Variants in ITCH observed in about 807,000 individuals in gnomAD.
ITCH encodes itchy E3 ubiquitin protein ligase.
Under a neutral mutation model 126.8 loss-of-function variants are expected in ITCH, and 28 were observed. The ratio of observed to expected loss-of-function variants is 0.22; its 90% CI spans 0.16 to 0.30. ITCH has a LOEUF of 0.30. Ranked by LOEUF, ITCH falls within the 10% of genes least tolerant of loss-of-function variation. ITCH has a pLI of 1.00. For missense variants in ITCH, 631 were observed against 1,032.4 expected, an observed-to-expected ratio of 0.61 and a Z score of 5.33; for synonymous variants, 342 against 340.0, an observed-to-expected ratio of 1.01 and a Z score of -0.06.
chr20:34,493,234 C>T (rs576570890), intron 23 of ITCH, among the ~76,000 whole-genome samples: 1 of 152,266 alleles, frequency 6.6e-6, no homozygotes, highest in South Asian at 2.1e-4. Context: ...CTGCTTCAGA[C>T]TGAAGCAGAG....
At chr20:34,483,411 G>T (rs113164382) in intron 20 of ITCH, among the ~76,000 whole-genome samples, 2 of 152,256 alleles carry the variant, frequency 1.3e-5, no homozygotes, top group African/African-American at 4.8e-5. Context: ...GCTTTGCTAC[G>T]TAGAAATTTA....
At position 34,509,345 on chromosome 20, in the gene ITCH, T is replaced by C. The variant is rs1053602751; in HGVS notation, c.*1551T>C. The C allele has an allele frequency of 1.3e-5, 2 of 152,340 alleles. No homozygotes were observed. Among genetic ancestry groups the C allele is most frequent in the African/African-American group, 4.8e-5 (2 of 41,466 alleles). 9.4% of individuals were successfully genotyped at this position (152,340 alleles called of 1,614,324 possible). A position where few individuals can be genotyped will look rare whatever the true frequency, so the allele number is the denominator to read the frequency against. ...TCATAGCTCATGTATCAGGGACTTT[T>C]GCCACATTTCAGAGGCATAGCATGA... On this transcript the variant is annotated 3_prime_UTR_variant, in exon 25 of 25. Coordinates refer to ENST00000374864, the MANE Select transcript of ITCH (RefSeq NM_031483.7).
intron 2 of ITCH, among the ~76,000 whole-genome samples, chr20:34,388,675 A>G (rs2038378657): frequency 6.6e-6 from 1 of 152,188 alleles, no homozygotes. Context: ...TGAATTTAGG[A>G]CATCTTTCTT....
intron 7 of ITCH, among the ~76,000 whole-genome samples, chr20:34,433,896 G>A (rs1982664817): frequency 6.6e-6 from 1 of 151,880 alleles, no homozygotes; most frequent in East Asian, 1.9e-4. Context: ...ATGTCTTGGT[G>A]GTAATTATCT....
chr20:34,392,654 A>C (rs2038527578), intron 2 of ITCH, among the ~76,000 whole-genome samples: 1 of 152,220 alleles, frequency 6.6e-6, no homozygotes, highest in African/African-American at 2.4e-5. Flanking sequence ...CTTCTTCCAT[A>C]GTGCCTGGCA....
chr20:34,399,652 C>T (rs550989825), intron 3 of ITCH, among the ~76,000 whole-genome samples: 2 of 151,858 alleles, frequency 1.3e-5, no homozygotes, highest in East Asian at 3.9e-4. Context: ...ATAGCCTGGC[C>T]AACATGGTGA....
chr20:34,500,588 A>G (rs1404071601), intron 23 of ITCH, among the ~76,000 whole-genome samples: 7 of 152,104 alleles, frequency 4.6e-5, no homozygotes, highest in Admixed American at 3.3e-4. Context: ...GAGGCAGCAT[A>G]TGATAGTTGG....
intron 2 of ITCH, among the ~76,000 whole-genome samples, chr20:34,371,313 C>T (rs376128662): frequency 1.4e-5 from 2 of 140,000 alleles, no homozygotes; most frequent in East Asian, 4.1e-4. Context: ...GAGATGGAGC[C>T]TTCCCCAGGC....
intron 9 of ITCH, among the ~76,000 whole-genome samples, chr20:34,441,294 G>T (rs1983718192): frequency 6.6e-6 from 1 of 152,040 alleles, no homozygotes; most frequent in South Asian, 2.1e-4. Context: ...AAAAATCATA[G>T]CAAAGTGATA....
intron 10 of ITCH, among the ~76,000 whole-genome samples, chr20:34,444,868 C>G (rs1014044296): frequency 6.6e-6 from 1 of 152,222 alleles, no homozygotes; most frequent in Non-Finnish European, 1.5e-5. Context: ...TCTTGAACTA[C>G]TGACCTCAAG....
chr20:34,378,237 A>G (rs551367360), intron 2 of ITCH, among the ~76,000 whole-genome samples: 5 of 152,124 alleles, frequency 3.3e-5, no homozygotes, highest in South Asian at 2.1e-4. Context: ...TTGGGAGGCC[A>G]AGGCGGGAGG....
intron 4 of ITCH, among the ~76,000 whole-genome samples, chr20:34,411,426 T>C (rs1450090147): frequency 6.6e-6 from 1 of 152,188 alleles, no homozygotes; most frequent in African/African-American, 2.4e-5. Context: ...AGTGCTGGGA[T>C]TACAGGCGTG....
chr20:34,441,916 CTGAT>C, intron 9 of ITCH: 1 of 392,238 alleles, frequency 2.5e-6, no homozygotes, highest in South Asian at 2.2e-5. Context: ...TGATTATACC[CTGAT>C]TGAGAGTGAC....
At chr20:34,474,135 G>A (rs1228736263) in intron 16 of ITCH, among the ~76,000 whole-genome samples, 2 of 151,886 alleles carry the variant, frequency 1.3e-5, no homozygotes, top group African/African-American at 2.4e-5. Flanking sequence ...TGACATTTTT[G>A]TAATATAACC....
chr20:34,437,487 T>G (rs550137335), intron 7 of ITCH, among the ~76,000 whole-genome samples: 6 of 152,296 alleles, frequency 3.9e-5, no homozygotes, highest in South Asian at 4.1e-4. Flanking sequence ...TAAATTTTTT[T>G]GTACAGACAG....
intron 20 of ITCH, 51 bp downstream of exon 20, chr20:34,481,257 G>A (rs2146473045): frequency 6.5e-7 from 1 of 1,543,320 alleles, no homozygotes; most frequent in Non-Finnish European, 9.0e-7. Context: ...ACAGCACATT[G>A]ATAATTGCTT....
intron 4 of ITCH, among the ~76,000 whole-genome samples, chr20:34,412,281 A>G (rs1195982785): frequency 6.6e-6 from 1 of 152,218 alleles, no homozygotes; most frequent in African/African-American, 2.4e-5. Context: ...TGTTGACAAT[A>G]TGTGTATGAA....
chr20:34,481,041 A>G (rs767014647), intron 19 of ITCH, 25 bp from the exon 20 acceptor site: 1 of 1,611,784 alleles, frequency 6.2e-7, no homozygotes, highest in Non-Finnish European at 8.5e-7. Flanking sequence ...GGATATAACA[A>G]ATAGTGCTAA....
intron 14 of ITCH, among the ~76,000 whole-genome samples, chr20:34,467,073 T>C (rs1292364799): frequency 6.6e-6 from 1 of 152,180 alleles, no homozygotes; most frequent in Non-Finnish European, 1.5e-5. Context: ...CACTGTATAT[T>C]TTATAGACAT....
Sources: gnomAD v4.1 joint callset for allele counts (sites outside exome capture counted in the v4.1 genomes callset) on GRCh38, gnomAD v4.1.1 for gene constraint, MANE v1.5 for transcripts, NCBI Gene and HGNC (gene_info 2026-07-23, HGNC 2026-07-21) for gene names.